The following TIAM1 variants were observed in gnomAD, a reference collection of about 807,000 sequenced individuals.
TIAM1 encodes the protein rho guanine nucleotide exchange factor TIAM1.
Under a neutral mutation model 163.5 loss-of-function variants are expected in TIAM1, and 65 were observed. The observed-to-expected ratio is 0.40, with a 90% confidence interval of 0.33 to 0.49. The LOEUF is 0.49. Among genes scored for constraint, TIAM1 ranks in the 20% least tolerant of loss-of-function variants. The pLI, the probability that TIAM1 is intolerant of heterozygous loss-of-function variation, is 0.77. For missense variants in TIAM1, 1,789 were observed against 2,044.7 expected (o/e 0.87, Z 2.41); for synonymous variants, 833 against 810.1 (o/e 1.03, Z -0.48).
intron 2 of TIAM1, among the ~76,000 whole-genome samples, chr21:31,384,422 T>A (rs924212837): frequency 1.0e-3 from 112 of 108,578 alleles, no homozygotes; most frequent in Admixed American, 3.0e-3. Context: ...AAAAAAAAAA[T>A]TTAATTAGCT....
At chr21:31,315,464 A>C (rs572723058) in intron 2 of TIAM1, among the ~76,000 whole-genome samples, 127 of 151,388 alleles carry the variant, frequency 8.4e-4, no homozygotes, top group African/African-American at 2.9e-3. Context: ...GCAGTGAGCC[A>C]AGATCACGCC....
intron 1 of TIAM1, among the ~76,000 whole-genome samples, chr21:31,517,256 G>C (rs2047416261): frequency 6.6e-6 from 1 of 152,034 alleles, no homozygotes; most frequent in Non-Finnish European, 1.5e-5. Context: ...AAAACAGACT[G>C]AGGGTCATGG....
chr21:31,556,864 T>A (rs1467890770), intron 1 of TIAM1, among the ~76,000 whole-genome samples: 1 of 152,182 alleles, frequency 6.6e-6, no homozygotes, highest in South Asian at 2.1e-4. Flanking sequence ...TAGCCCAGCT[T>A]TTTACCTTGA....
chr21:31,301,849 T>C (rs961281513), intron 2 of TIAM1, among the ~76,000 whole-genome samples: 1 of 97,476 alleles, frequency 1.0e-5, no homozygotes, highest in Admixed American at 9.5e-5. Context: ...TCAAAATAAA[T>C]AGATAAATAG....
At chr21:31,281,522 A>C (rs899707793) in intron 2 of TIAM1, among the ~76,000 whole-genome samples, 2 of 152,220 alleles carry the variant, frequency 1.3e-5, no homozygotes, top group Non-Finnish European at 1.5e-5. Flanking sequence ...TTGAGCTTAA[A>C]CAGTGGGGGC....
Position 31,210,050 on chromosome 21 carries a change from A to C in TIAM1, c.2383T>G (p.Cys795Gly). The C allele has an allele frequency of 6.2e-7, 1 of 1,613,508 alleles. No homozygotes were observed. The highest frequency in any genetic ancestry group is 8.5e-7 in the Non-Finnish European group (1 of 1,179,798). ...DTARDTLELI[C>G]KTHQLDHSAH... ...AACCCAAAGCAGCTCCATACCTTGC[A>C]AATCAGCTCCAGGGTGTCCCGTGCA... Residue 795 changes from cysteine to glycine, a missense_variant, in exon 11 of 28, where the codon TGC becomes GGC. Around this residue, in one of 5 missense-constraint regions of TIAM1, gnomAD observed 456 missense variants for 586.6 expected, o/e 0.78. Coordinates refer to ENST00000541036, the MANE Select transcript of TIAM1 (RefSeq NM_001353694.2).
chr21:31,141,007 CCTAA>C lies in TIAM1; in HGVS notation c.3774+107_3774+110del. On this transcript the variant is annotated intron_variant, in intron 22 of 27. Coordinates refer to ENST00000541036, the MANE Select transcript of TIAM1 (RefSeq NM_001353694.2). The surrounding 1 kb of genome is among the most constrained non-coding windows in gnomAD (Gnocchi z 4.7). ...GTTCCACTAAGAAAAACAACAGCATCCTAACTATTTTACTTACAAGTAACACCTT... is the reference window on the plus strand; with the variant it reads ...GTTCCACTAAGAAAAACAACAGCATCCTATTTTACTTACAAGTAACACCTT... 1.3e-6 allele frequency: 1 copy of C among 787,062 alleles called. No individual in the cohort carries two copies. The highest frequency in any genetic ancestry group is 2.9e-5 in the Admixed American group (1 of 34,418). 48.8% of individuals were successfully genotyped at this position (787,062 alleles called of 1,614,324 possible).
At chr21:31,194,280 A>G (rs1007627147) in intron 13 of TIAM1, among the ~76,000 whole-genome samples, 6 of 152,146 alleles carry the variant, frequency 3.9e-5, no homozygotes, top group Admixed American at 3.9e-4. Context: ...AAAAAATCAT[A>G]GTTGTGAGTA....
At chr21:31,316,880 C>A (rs903179334) in intron 2 of TIAM1, among the ~76,000 whole-genome samples, 2 of 152,146 alleles carry the variant, frequency 1.3e-5, no homozygotes, top group Admixed American at 6.5e-5. Flanking sequence ...TCCTGCCCCC[C>A]AGGGAGGGAG....
chr21:31,327,179 G>A (rs1212222691), intron 2 of TIAM1, among the ~76,000 whole-genome samples: 5 of 152,210 alleles, frequency 3.3e-5, no homozygotes, highest in Non-Finnish European at 1.5e-5. Flanking sequence ...CACAGAGCAT[G>A]TGCAGGGAGG....
intron 16 of TIAM1, among the ~76,000 whole-genome samples, chr21:31,161,069 GTGTGTGTGTT>G (rs977071842): frequency 6.2e-5 from 9 of 145,754 alleles, no homozygotes; most frequent in East Asian, 2.1e-4. Flanking sequence ...GTGTGTGTGT[GTGTGTGTGTT>G]TAACAGTTGA....
chr21:31,536,060 T>G (rs1051044851), intron 1 of TIAM1, among the ~76,000 whole-genome samples: 6 of 152,064 alleles, frequency 3.9e-5, no homozygotes, highest in African/African-American at 1.2e-4. Flanking sequence ...TAAGCAAGAA[T>G]GGACCAGAAG....
rs771021898 is a variant in TIAM1 at position 31,266,448 on chromosome 21, G to A, written c.525C>T (p.Ile175=). 6.2e-7 allele frequency: 1 copy of A among 1,614,210 alleles called. No individual in the cohort carries two copies. Among genetic ancestry groups the A allele is most frequent in the Non-Finnish European group, 8.5e-7 (1 of 1,180,052 alleles). The change falls in exon 4 of 28, where the codon ATC becomes ATT. Residue 175 remains isoleucine, a synonymous_variant. Coordinates refer to ENST00000541036, the MANE Select transcript of TIAM1 (RefSeq NM_001353694.2). ...FKKKRSKSAD[I]WREDSLEFSL... The stretch of plus-strand genomic sequence containing the variant: ...AGAATTCCAGGCTGTCCTCCCGCCA[G>A]ATGTCTGCAGATTTGGAGCGTTTCT...
At chr21:31,296,855 G>A (rs917923700) in intron 2 of TIAM1, among the ~76,000 whole-genome samples, 1 of 152,142 alleles carries the variant, frequency 6.6e-6, no homozygotes, top group African/African-American at 2.4e-5. Flanking sequence ...AGTAGAGATG[G>A]GGTTTCATCG....
intron 2 of TIAM1, among the ~76,000 whole-genome samples, chr21:31,306,161 G>A (rs1363302974): frequency 6.6e-6 from 1 of 151,980 alleles, no homozygotes; most frequent in Admixed American, 6.6e-5. Context: ...ACATGCACCT[G>A]TAGTCCCAGC....
intron 19 of TIAM1, among the ~76,000 whole-genome samples, chr21:31,148,253 T>C (rs2083226126): frequency 6.6e-6 from 1 of 152,108 alleles, no homozygotes; most frequent in African/African-American, 2.4e-5. Context: ...CCTTGAATTG[T>C]AGCTCCCATA....
At chr21:31,541,350 G>A (rs754910955) in intron 1 of TIAM1, among the ~76,000 whole-genome samples, 4 of 152,050 alleles carry the variant, frequency 2.6e-5, no homozygotes, top group South Asian at 2.1e-4. Context: ...CCAGCTACCC[G>A]GAAGACTGAG....
chr21:31,154,523 C>T, intron 16 of TIAM1, 97 bp from the exon 17 acceptor site: 3 of 1,262,878 alleles, frequency 2.4e-6, no homozygotes, highest in Non-Finnish European at 3.3e-6. Context: ...CCTGGTTAGT[C>T]AACTGTCACA....
chr21:31,337,720 A>G (rs2075889567), intron 2 of TIAM1, among the ~76,000 whole-genome samples: 2 of 151,774 alleles, frequency 1.3e-5, no homozygotes, highest in Non-Finnish European at 2.9e-5. Flanking sequence ...TAGTAGAGAC[A>G]GGGTTTCACC....
Sources: allele counts gnomAD v4.1 joint callset (sites outside exome capture counted in the v4.1 genomes callset), GRCh38; gene constraint gnomAD v4.1.1; regional missense constraint gnomAD v4.1.1; non-coding constraint Gnocchi (gnomAD v3.1); transcripts MANE v1.5; gene names NCBI Gene and HGNC (gene_info 2026-07-23, HGNC 2026-07-21).